The following MTMR7 variants were observed in gnomAD, a reference collection of about 807,000 sequenced individuals.
The protein encoded by MTMR7 is myotubularin related protein 7, also known as phosphatidylinositol-3-phosphate phosphatase MTMR7.
In MTMR7, 76 loss-of-function variants were observed where a neutral mutation model predicts 81.2. The observed-to-expected ratio is 0.94, with a 90% CI of 0.78 to 1.13. The LOEUF (loss-of-function observed/expected upper bound fraction) is 1.13. MTMR7 is among the 50% of genes most tolerant of loss of function. The probability of loss-of-function intolerance (pLI) is 0.00; values close to 1 mark genes in which losing one functional copy is unlikely to be tolerated. For synonymous variants in MTMR7, 372 were observed against 289.8 expected, an observed-to-expected ratio of 1.28 and a Z score of -2.88; for missense variants, 1,044 against 820.0, an observed-to-expected ratio of 1.27 and a Z score of -3.34.
rs557215409 is a variant in MTMR7, at chr8:17,357,413, T to C, written c.468+3704A>G. On this transcript the variant is annotated intron_variant, in intron 4 of 13. Coordinates refer to ENST00000180173, the MANE Select transcript of MTMR7 (RefSeq NM_004686.5). Reference sequence around the variant, plus strand: ...TGAAAAGTCAAACTTCAGAAAACTATATACAGCATATGCAGACCAAGTACA... The same window carrying C: ...TGAAAAGTCAAACTTCAGAAAACTACATACAGCATATGCAGACCAAGTACA... 9.2e-5 allele frequency among the ~76,000 whole-genome samples: 14 copies of C among 152,330 alleles called. No individual in the cohort carries two copies. In the South Asian group the frequency reaches 2.9e-3, roughly 32 times the overall value.
At chr8:17,309,194 A>G (rs1817652700) in intron 10 of MTMR7, 83 bp downstream of exon 10, 4 of 961,060 alleles carry the variant, frequency 4.2e-6, no homozygotes, top group Non-Finnish European at 6.5e-6. Context: ...AAACAAGACG[A>G]TTTTCCCCTA....
Position 17,297,790 on chromosome 8 carries a change from A to G in MTMR7, c.*2072T>C, listed in dbSNP as rs1816805853. On this transcript the variant is annotated 3_prime_UTR_variant, in exon 14 of 14. Transcript: ENST00000180173. ...TCTGAAGAATCTGTGAAAGTACAGT[A>G]AAGTTTTAATAAGCAATAAATGTAA... 6.6e-6 allele frequency: 1 copy of G among 152,024 alleles called. No homozygotes were observed. The highest frequency in any genetic ancestry group is 6.6e-5 in the Admixed American group (1 of 15,258). 9.4% of individuals were successfully genotyped at this position (152,024 alleles called of 1,614,324 possible). A position where few individuals can be genotyped will look rare whatever the true frequency, so the allele number is the denominator to read the frequency against.
chr8:17,355,219 T>C (rs937377995), intron 4 of MTMR7, among the ~76,000 whole-genome samples: 1 of 152,226 alleles, frequency 6.6e-6, no homozygotes, highest in African/African-American at 2.4e-5. Context: ...TATCCAATTT[T>C]CTTTACTAAA....
chr8:17,319,383 G>T (rs1283853267), intron 7 of MTMR7, among the ~76,000 whole-genome samples: 3 of 152,214 alleles, frequency 2.0e-5, no homozygotes, highest in Non-Finnish European at 4.4e-5. Context: ...TCCAGCAGGG[G>T]TGTCCTGGGA....
intron 1 of MTMR7, among the ~76,000 whole-genome samples, chr8:17,400,380 AT>A (rs1308884821): frequency 3.9e-5 from 6 of 152,176 alleles, no homozygotes; most frequent in African/African-American, 1.4e-4. Flanking sequence ...CAGAGTGAGG[AT>A]TCAAAACCAG....
rs545501853 is a variant in MTMR7 at position 17,327,480 on chromosome 8, T to C, written c.865+3670A>G. The stretch of plus-strand genomic sequence containing the variant: ...ATTTTCTGTAGAGACAGGGTCTCAC[T>C]GTGTTGCCCAGGCTGGTCTCAAACT... On this transcript the variant is annotated intron_variant, in intron 7 of 13. Coordinates refer to ENST00000180173, the MANE Select transcript of MTMR7 (RefSeq NM_004686.5). 4.6e-5 allele frequency among the ~76,000 whole-genome samples: 7 copies of C among 152,232 alleles called. No individual in the cohort carries two copies. The East Asian group carries it at 1.2e-3, about 25-fold the overall frequency.
At chr8:17,355,081 G>A (rs114237473) in intron 4 of MTMR7, among the ~76,000 whole-genome samples, 1,698 of 152,204 alleles carry the variant, frequency 0.011, 44 homozygotes, top group African/African-American at 0.038. Flanking sequence ...ATGTTTATGC[G>A]CTAATTCTAG....
chr8:17,346,884 TAAAAAA>T (rs55910829), intron 5 of MTMR7, among the ~76,000 whole-genome samples: 5 of 65,048 alleles, frequency 7.7e-5, no homozygotes, highest in African/African-American at 1.1e-4. Flanking sequence ...CCTATCTTAA[TAAAAAA>T]AAAAAAAAAA....
At chr8:17,361,459 G>T (rs752878492) in intron 3 of MTMR7, among the ~76,000 whole-genome samples, 185 bp from the exon 4 acceptor site, 7 of 152,180 alleles carry the variant, frequency 4.6e-5, no homozygotes, top group Non-Finnish European at 1.0e-4. Flanking sequence ...CCAATGACAA[G>T]ATGACCTTGG....
At chr8:17,311,353 GATTAA>G (rs1286415637) in intron 9 of MTMR7, among the ~76,000 whole-genome samples, 153 bp downstream of exon 9, 1 of 152,100 alleles carries the variant, frequency 6.6e-6, no homozygotes, top group Non-Finnish European at 1.5e-5. Context: ...TAATCTTGCT[GATTAA>G]ATTAATCTTG....
At chr8:17,325,893 T>C (rs1203010758) in intron 7 of MTMR7, among the ~76,000 whole-genome samples, 1 of 152,156 alleles carries the variant, frequency 6.6e-6, no homozygotes, top group African/African-American at 2.4e-5. Context: ...CATCAACGTA[T>C]CCATTTCATT....
chr8:17,346,027 G>A (rs1207309006), intron 5 of MTMR7: 1 of 152,182 alleles, frequency 6.6e-6, no homozygotes, highest in Non-Finnish European at 1.5e-5. Context: ...TTTACTTTTT[G>A]TGGGAGACTG....
chr8:17,318,328 G>T (rs1448522132), intron 7 of MTMR7, among the ~76,000 whole-genome samples: 1 of 152,104 alleles, frequency 6.6e-6, no homozygotes, highest in Non-Finnish European at 1.5e-5. Context: ...GTTCTGTGGA[G>T]TCCACAGAAA....
intron 12 of MTMR7, among the ~76,000 whole-genome samples, chr8:17,303,968 T>C (rs987632454): frequency 4.6e-5 from 7 of 152,224 alleles, no homozygotes; most frequent in Non-Finnish European, 8.8e-5. Flanking sequence ...GCAAAAGTAA[T>C]TGCGGTTTTT....
intron 6 of MTMR7, among the ~76,000 whole-genome samples, chr8:17,334,806 T>C (rs1819176533): frequency 6.6e-6 from 1 of 152,124 alleles, no homozygotes. Context: ...TGACAGGAGT[T>C]GAAATCTAAG....
At chr8:17,325,857 C>A (rs1035020502) in intron 7 of MTMR7, among the ~76,000 whole-genome samples, 4 of 152,190 alleles carry the variant, frequency 2.6e-5, no homozygotes, top group Admixed American at 2.6e-4. Flanking sequence ...AAATACTTGC[C>A]TGGCTGACTG....
intron 7 of MTMR7, among the ~76,000 whole-genome samples, chr8:17,324,300 TG>T (rs1443025980): frequency 6.6e-6 from 1 of 152,220 alleles, no homozygotes; most frequent in Non-Finnish European, 1.5e-5. Context: ...GGCTCCTGTG[TG>T]TTAAGTACTT....
chr8:17,382,419 G>C (rs547858174), intron 1 of MTMR7, among the ~76,000 whole-genome samples: 1 of 152,144 alleles, frequency 6.6e-6, no homozygotes, highest in African/African-American at 2.4e-5. Flanking sequence ...AGAAACCCTA[G>C]AGCACTTGGT....
At chr8:17,384,290 A>C (rs1459318763) in intron 1 of MTMR7, among the ~76,000 whole-genome samples, 4 of 152,156 alleles carry the variant, frequency 2.6e-5, no homozygotes, top group African/African-American at 9.7e-5. Context: ...AGGCACCTGT[A>C]GGCCCAGCTA....
Sources: allele counts gnomAD v4.1 joint callset (sites outside exome capture counted in the v4.1 genomes callset), GRCh38; gene constraint gnomAD v4.1.1; transcripts MANE v1.5; gene names NCBI Gene and HGNC (gene_info 2026-07-23, HGNC 2026-07-21).